CSMD1: variants seen among roughly 807,000 people sequenced by gnomAD.
CSMD1 encodes CUB and Sushi multiple domains 1, also known as CUB and sushi domain-containing protein 1.
Under a neutral mutation model 417.5 loss-of-function variants are expected in CSMD1, and 213 were observed. The observed-to-expected ratio is 0.51, with a 90% confidence interval of 0.46 to 0.57. The LOEUF (loss-of-function observed/expected upper bound fraction) is 0.57. Ranked by LOEUF, CSMD1 falls within the 20% of genes least tolerant of loss-of-function variation. The pLI, the probability that CSMD1 is intolerant of heterozygous loss-of-function variation, is 0.00. For missense variants in CSMD1, 6,923 were observed against 4,529.7 expected, an observed-to-expected ratio of 1.53 and a Z score of -15.17; for synonymous variants, 2,862 against 1,736.8, an observed-to-expected ratio of 1.65 and a Z score of -16.11.
chr8:3,183,896 G>C (rs527303253), intron 36 of CSMD1, among the ~76,000 whole-genome samples: 7 of 152,286 alleles, frequency 4.6e-5, no homozygotes, highest in African/African-American at 1.7e-4. Context: ...ATGTTAACCA[G>C]AATTAGTGCA....
chr8:3,399,241 CT>C, intron 16 of CSMD1, 149 bp downstream of exon 16: 1 of 650,632 alleles, frequency 1.5e-6, no homozygotes, highest in Non-Finnish European at 2.5e-6. Flanking sequence ...AAGAACAAAA[CT>C]TACAAGTAAG....
chr8:3,027,936 C>A (rs559100564), intron 51 of CSMD1, among the ~76,000 whole-genome samples: 33 of 152,296 alleles, frequency 2.2e-4, no homozygotes, highest in African/African-American at 6.7e-4. Flanking sequence ...GGAGAAGGCT[C>A]TCCACTGTAC....
At chr8:3,399,003 G>C (rs746306855) in intron 16 of CSMD1, among the ~76,000 whole-genome samples, 1 of 152,174 alleles carries the variant, frequency 6.6e-6, no homozygotes. Flanking sequence ...GCCACCACCA[G>C]AACAGGAGAG....
At chr8:4,422,259 G>A (rs955040381) in intron 2 of CSMD1, among the ~76,000 whole-genome samples, 3 of 152,080 alleles carry the variant, frequency 2.0e-5, no homozygotes, top group Admixed American at 6.6e-5. Context: ...GAAAGTGTAA[G>A]TGGATAGAAT....
intron 15 of CSMD1, among the ~76,000 whole-genome samples, chr8:3,403,710 A>G (rs1812176943): frequency 6.6e-6 from 1 of 152,144 alleles, no homozygotes; most frequent in Non-Finnish European, 1.5e-5. Context: ...CTGAAAATTC[A>G]TGCTTCCAAG....
At chr8:4,179,373 A>T (rs907218761) in intron 3 of CSMD1, among the ~76,000 whole-genome samples, 3 of 152,214 alleles carry the variant, frequency 2.0e-5, no homozygotes, top group African/African-American at 4.8e-5. Flanking sequence ...CTGGCTAGCC[A>T]TATGTAGAAA....
rs1177282535 is a variant in CSMD1, at chr8:3,823,445, A to G, written c.819-69403T>C. On this transcript the variant is annotated intron_variant, in intron 5 of 69. Transcript: ENST00000635120. ...TTATGCAAAATTTAGGAAAGGAAGTATAAAACGTTTGCAATTTTTATGCAA... is the reference window on the plus strand; with the variant it reads ...TTATGCAAAATTTAGGAAAGGAAGTGTAAAACGTTTGCAATTTTTATGCAA... 2.0e-5 allele frequency among the ~76,000 whole-genome samples: 3 copies of G among 152,202 alleles called. No individual in the cohort carries two copies. The East Asian group carries it at 5.8e-4, about 29-fold the overall frequency.
intron 20 of CSMD1, among the ~76,000 whole-genome samples, chr8:3,361,768 T>A (rs1035078091): frequency 3.9e-5 from 6 of 152,082 alleles, no homozygotes; most frequent in African/African-American, 1.2e-4. Context: ...ATCTTATGGT[T>A]CTTTGCTTTA....
intron 2 of CSMD1, among the ~76,000 whole-genome samples, chr8:4,467,226 G>C (rs992412938): frequency 2.0e-5 from 3 of 151,622 alleles, no homozygotes; most frequent in South Asian, 2.1e-4. Context: ...TCTGCACAAA[G>C]CTCCCAGGGA....
At chr8:4,255,158 G>T (rs1000824176) in intron 3 of CSMD1, among the ~76,000 whole-genome samples, 1 of 152,154 alleles carries the variant, frequency 6.6e-6, no homozygotes, top group African/African-American at 2.4e-5. Context: ...ATGATACATA[G>T]AGCTTTATCC....
At chr8:4,201,002 A>G (rs971445819) in intron 3 of CSMD1, among the ~76,000 whole-genome samples, 1 of 152,206 alleles carries the variant, frequency 6.6e-6, no homozygotes, top group Admixed American at 6.5e-5. Flanking sequence ...AGCGCCGTTC[A>G]TATCAGTGTG....
chr8:3,166,255 G>A (rs1051282414), intron 37 of CSMD1, among the ~76,000 whole-genome samples: 1 of 152,214 alleles, frequency 6.6e-6, no homozygotes, highest in Non-Finnish European at 1.5e-5. Flanking sequence ...GTTAGGCTGG[G>A]CATGGTGACT....
intron 5 of CSMD1, among the ~76,000 whole-genome samples, chr8:3,958,714 G>C (rs1338904661): frequency 6.6e-6 from 1 of 152,154 alleles, no homozygotes; most frequent in Non-Finnish European, 1.5e-5. Context: ...GGTCAAACAT[G>C]AGGCTTTTGT....
At chr8:4,788,953 T>A (rs929401018) in intron 1 of CSMD1, among the ~76,000 whole-genome samples, 1 of 152,188 alleles carries the variant, frequency 6.6e-6, no homozygotes, top group African/African-American at 2.4e-5. Flanking sequence ...TGCAGAGTTC[T>A]GACATGAACT....
intron 7 of CSMD1, among the ~76,000 whole-genome samples, chr8:3,695,409 TA>T (rs1180042352): frequency 6.6e-6 from 1 of 151,420 alleles, no homozygotes; most frequent in Non-Finnish European, 1.5e-5. Flanking sequence ...TCACTTTTAT[TA>T]GGTACACTCC....
intron 7 of CSMD1, among the ~76,000 whole-genome samples, chr8:3,654,634 T>G (rs1394576334): frequency 1.3e-5 from 2 of 152,196 alleles, no homozygotes; most frequent in African/African-American, 4.8e-5. Flanking sequence ...AGCCTTTGAT[T>G]TGCTAGGTGT....
chr8:4,185,438 T>C (rs1798610039), intron 3 of CSMD1, among the ~76,000 whole-genome samples: 1 of 152,026 alleles, frequency 6.6e-6, no homozygotes, highest in East Asian at 1.9e-4. Flanking sequence ...GCTTGATAAA[T>C]AATGATTTTA....
intron 3 of CSMD1, among the ~76,000 whole-genome samples, chr8:4,178,718 G>T (rs561654498): frequency 1.3e-5 from 2 of 152,202 alleles, no homozygotes; most frequent in African/African-American, 4.8e-5. Context: ...AAGCTGATAG[G>T]CAACTTCAGC....
chr8:2,962,349 C>G lies in CSMD1; in HGVS notation c.9628+117G>C, dbSNP rs1326938114. ...TCAGTGCAAAAATTATTACCTTGTA[C>G]AGAAAACTGTCTATGGAAACACTTT... On this transcript the variant is annotated intron_variant, in intron 61 of 69. Transcript: ENST00000635120. 9 of 896,646 alleles carry G rather than the reference C, an allele frequency of 1.0e-5. No homozygotes were observed. The East Asian group carries it at 2.4e-4, about 24-fold the overall frequency. The allele number at this position is 896,646 out of a possible 1,614,324, so 55.5% of individuals were successfully genotyped here.
Sources: allele counts gnomAD v4.1 joint callset (sites outside exome capture counted in the v4.1 genomes callset), GRCh38; gene constraint gnomAD v4.1.1; transcripts MANE v1.5; gene names NCBI Gene and HGNC (gene_info 2026-07-23, HGNC 2026-07-21).